Variants in KCNIP4 observed in about 807,000 individuals in gnomAD.
KCNIP4 encodes the protein potassium voltage-gated channel interacting protein 4.
A neutral mutation model predicts 34.0 loss-of-function variants in KCNIP4; 12 were observed. That is an observed-to-expected ratio of 0.35 (90% CI 0.23 to 0.57). KCNIP4 has a LOEUF of 0.57. Among genes scored for constraint, KCNIP4 ranks in the 20% least tolerant of loss-of-function variants. The pLI is 0.83. For synonymous variants in KCNIP4, 124 were observed against 102.2 expected (o/e 1.21, Z -1.29); for missense variants, 238 against 311.7 (o/e 0.76, Z 1.78).
intron 1 of KCNIP4, among the ~76,000 whole-genome samples, chr4:21,067,634 G>A (rs1458167760): frequency 1.3e-5 from 2 of 152,004 alleles, no homozygotes; most frequent in Non-Finnish European, 2.9e-5. Flanking sequence ...TGGTCCATGA[G>A]TGAAAATAGG....
At chr4:20,799,125 A>G (rs1041880670) in intron 3 of KCNIP4, among the ~76,000 whole-genome samples, 11 of 151,980 alleles carry the variant, frequency 7.2e-5, no homozygotes, top group African/African-American at 2.2e-4. Context: ...ACTGTGCCCT[A>G]CTCCCTAGGG....
At chr4:21,274,293 C>T (rs941403560) in intron 1 of KCNIP4, among the ~76,000 whole-genome samples, 3 of 152,102 alleles carry the variant, frequency 2.0e-5, no homozygotes, top group Non-Finnish European at 4.4e-5. Flanking sequence ...AAAAACTATC[C>T]TTGAATATGT....
chr4:21,254,094 G>A (rs1358693621), intron 1 of KCNIP4, among the ~76,000 whole-genome samples: 1 of 152,088 alleles, frequency 6.6e-6, no homozygotes, highest in African/African-American at 2.4e-5. Context: ...TTATCCCTTT[G>A]GTATGATAAG....
intron 1 of KCNIP4, among the ~76,000 whole-genome samples, chr4:21,190,769 T>A (rs1446939404): frequency 6.6e-6 from 1 of 152,196 alleles, no homozygotes; most frequent in African/African-American, 2.4e-5. Flanking sequence ...AGCCATAAAA[T>A]CTATTTACAT....
intron 3 of KCNIP4, among the ~76,000 whole-genome samples, chr4:20,796,790 T>C (rs931101881): frequency 4.6e-5 from 7 of 152,242 alleles, no homozygotes; most frequent in African/African-American, 1.7e-4. Flanking sequence ...TGAATAGTAA[T>C]AGATGGAAAA....
intron 1 of KCNIP4, among the ~76,000 whole-genome samples, chr4:20,977,670 A>G (rs904318475): frequency 2.0e-5 from 3 of 152,226 alleles, no homozygotes; most frequent in Admixed American, 1.3e-4. Flanking sequence ...ATTTTAAATA[A>G]TTAATGAAAT....
chr4:21,479,588 A>G (rs1453295071), intron 1 of KCNIP4, among the ~76,000 whole-genome samples: 4 of 152,186 alleles, frequency 2.6e-5, no homozygotes, highest in African/African-American at 9.7e-5. Flanking sequence ...CAACATGCAC[A>G]TACACACACA....
chr4:20,841,465 C>T (rs867571792), intron 3 of KCNIP4, among the ~76,000 whole-genome samples: 1 of 152,094 alleles, frequency 6.6e-6, no homozygotes, highest in African/African-American at 2.4e-5. Flanking sequence ...TCAGAGAAAG[C>T]TTTTCCACAG....
chr4:20,777,916 A>C (rs1013577727), intron 3 of KCNIP4, among the ~76,000 whole-genome samples: 1 of 152,224 alleles, frequency 6.6e-6, no homozygotes, highest in Non-Finnish European at 1.5e-5. Flanking sequence ...TACCTAATGA[A>C]GAAAACCAGG....
intron 1 of KCNIP4, among the ~76,000 whole-genome samples, chr4:21,356,561 T>C (rs1718627942): frequency 1.3e-5 from 2 of 152,150 alleles, no homozygotes; most frequent in Non-Finnish European, 2.9e-5. Flanking sequence ...GAACTCCCAT[T>C]CACAATTGCT....
intron 1 of KCNIP4, among the ~76,000 whole-genome samples, chr4:21,335,856 A>G (rs1389274931): frequency 6.6e-6 from 1 of 152,158 alleles, no homozygotes; most frequent in Non-Finnish European, 1.5e-5. Flanking sequence ...AAAGAATAAT[A>G]CAACAAGCAT....
chr4:20,771,581 G>C (rs144723263), intron 3 of KCNIP4, among the ~76,000 whole-genome samples: 2 of 152,114 alleles, frequency 1.3e-5, no homozygotes, highest in African/African-American at 2.4e-5. Flanking sequence ...TGGTGGGTGC[G>C]CATATGCAGG....
intron 1 of KCNIP4, among the ~76,000 whole-genome samples, chr4:20,962,049 G>A (rs1290353600): frequency 6.6e-6 from 1 of 152,080 alleles, no homozygotes; most frequent in Non-Finnish European, 1.5e-5. Context: ...TCCTCCTTGG[G>A]GAGGAATGAC....
chr4:21,520,099 C>A (rs1270686561), intron 1 of KCNIP4, among the ~76,000 whole-genome samples: 1 of 151,830 alleles, frequency 6.6e-6, no homozygotes, highest in Non-Finnish European at 1.5e-5. Flanking sequence ...CGTTTTTCGG[C>A]CTGCTTTATA....
At chr4:21,133,815 T>C (rs1270697093) in intron 1 of KCNIP4, among the ~76,000 whole-genome samples, 7 of 152,208 alleles carry the variant, frequency 4.6e-5, no homozygotes, top group Non-Finnish European at 1.0e-4. Context: ...ATTTTTACTC[T>C]CAAGCCACCA....
At chr4:21,606,273 G>A (rs1425360685) in intron 1 of KCNIP4, among the ~76,000 whole-genome samples, 4 of 152,100 alleles carry the variant, frequency 2.6e-5, no homozygotes, top group African/African-American at 9.7e-5. Flanking sequence ...ATTGAGACTC[G>A]ATATGTATGG....
At chr4:21,732,780 C>G (rs916893736) in intron 1 of KCNIP4, among the ~76,000 whole-genome samples, 1 of 152,170 alleles carries the variant, frequency 6.6e-6, no homozygotes, top group African/African-American at 2.4e-5. Context: ...ACTCTGTCTA[C>G]TGATGTCTGC....
At chr4:20,803,443 G>A (rs1331490245) in intron 3 of KCNIP4, among the ~76,000 whole-genome samples, 4 of 137,206 alleles carry the variant, frequency 2.9e-5, no homozygotes, top group Non-Finnish European at 6.1e-5. Context: ...GACCAGCCTG[G>A]GGAACATGGC....
intron 1 of KCNIP4, among the ~76,000 whole-genome samples, chr4:21,172,349 C>G (rs2109300293): frequency 6.6e-6 from 1 of 152,200 alleles, no homozygotes; most frequent in African/African-American, 2.4e-5. Context: ...AATGTTTTAA[C>G]TGAATTAATC....
Sources: gnomAD v4.1 joint callset for allele counts (sites outside exome capture counted in the v4.1 genomes callset) on GRCh38, gnomAD v4.1.1 for gene constraint, MANE v1.5 for transcripts, NCBI Gene and HGNC (gene_info 2026-07-23, HGNC 2026-07-21) for gene names.